CNTLN: variants seen among roughly 807,000 people sequenced by gnomAD.
CNTLN encodes the protein centlein, centrosomal protein.
Under a neutral mutation model 180.0 loss-of-function variants are expected in CNTLN, and 212 were observed. That is an observed-to-expected ratio of 1.18 (90% CI 1.05 to 1.32). CNTLN has a LOEUF of 1.32. Among genes scored for constraint, CNTLN ranks in the 40% most tolerant of loss-of-function variants. The pLI, the probability that CNTLN is intolerant of heterozygous loss-of-function variation, is 0.00. For synonymous variants in CNTLN, 722 were observed against 563.1 expected (o/e 1.28, Z -3.99); for missense variants, 2,095 against 1,610.9 (o/e 1.30, Z -5.14).
chr9:17,163,508 A>T (rs1356175642), intron 2 of CNTLN, among the ~76,000 whole-genome samples: 2 of 152,130 alleles, frequency 1.3e-5, no homozygotes, highest in South Asian at 4.1e-4. Flanking sequence ...AACAGCATTT[A>T]TATTTCATTG....
intron 18 of CNTLN, among the ~76,000 whole-genome samples, chr9:17,444,850 G>C (rs971693158): frequency 8.5e-5 from 13 of 152,146 alleles, no homozygotes; most frequent in African/African-American, 3.1e-4. Context: ...AAGTTCCTAT[G>C]TGGAATTTTG....
At chr9:17,170,163 TATTA>T (rs1435162240) in intron 2 of CNTLN, among the ~76,000 whole-genome samples, 1 of 152,320 alleles carries the variant, frequency 6.6e-6, no homozygotes, top group East Asian at 1.9e-4. Flanking sequence ...GGGATTGTTT[TATTA>T]ATTTCTTTTT....
intron 2 of CNTLN, among the ~76,000 whole-genome samples, chr9:17,144,890 G>A (rs892174556): frequency 2.0e-5 from 3 of 148,192 alleles, no homozygotes; most frequent in Non-Finnish European, 3.0e-5. Flanking sequence ...GCCAGACTGC[G>A]GACTGCAGTG....
chr9:17,253,761 G>GTTT lies in CNTLN; in HGVS notation c.849+17183_849+17185dup, dbSNP rs60517986. ...TTTCAAACTGGATGTCTTTTCTATTGTTTTTTTTTTTTCTTTTGCCTGATT... is the reference window on the plus strand; with the variant it reads ...TTTCAAACTGGATGTCTTTTCTATTGTTTTTTTTTTTTTTTCTTTTGCCTGATT... On this transcript the variant is annotated intron_variant, in intron 5 of 25. Coordinates refer to ENST00000380647, the MANE Select transcript of CNTLN (RefSeq NM_017738.4). Among the ~76,000 whole-genome samples the GTTT allele has an allele frequency of 1.1e-3, 155 of 142,698 alleles. 1 individual carries two copies. Among genetic ancestry groups the GTTT allele is most frequent in the Middle Eastern group, 3.5e-3 (1 of 282 alleles). 93.6% of individuals were successfully genotyped at this position (142,698 alleles called of 152,430 possible).
intron 5 of CNTLN, among the ~76,000 whole-genome samples, chr9:17,258,110 G>C (rs934231407): frequency 1.7e-4 from 26 of 148,862 alleles, no homozygotes; most frequent in Admixed American, 1.3e-3. Flanking sequence ...TATGGTTTTA[G>C]GTCTAACGTT....
chr9:17,454,307 T>TACAC (rs1385515957), intron 18 of CNTLN, among the ~76,000 whole-genome samples: 3 of 152,226 alleles, frequency 2.0e-5, no homozygotes, highest in African/African-American at 7.2e-5. Flanking sequence ...AATAATTGAC[T>TACAC]ACACATAAAT....
In CNTLN at chr9:17,351,512, A is replaced by G. The variant is rs539535236; in HGVS notation, c.1886+9068A>G. On this transcript the variant is annotated intron_variant, in intron 12 of 25. Transcript: ENST00000380647. ...ATCTTAGTAAATGGTATTATAATCTATCAGTTTCCTCAAACCAGAAACCAT... is the reference window on the plus strand; with the variant it reads ...ATCTTAGTAAATGGTATTATAATCTGTCAGTTTCCTCAAACCAGAAACCAT... Among the ~76,000 whole-genome samples the G allele has an allele frequency of 5.9e-5, 9 of 152,278 alleles. No homozygotes were observed. The East Asian group carries it at 7.7e-4, about 13-fold the overall frequency.
intron 2 of CNTLN, among the ~76,000 whole-genome samples, chr9:17,221,068 G>A (rs994470614): frequency 6.6e-6 from 1 of 152,042 alleles, no homozygotes; most frequent in Non-Finnish European, 1.5e-5. Context: ...CATGATCTGG[G>A]TCTTTGTCCC....
At chr9:17,170,555 C>G (rs2815174) in intron 2 of CNTLN, among the ~76,000 whole-genome samples, 50,443 of 151,712 alleles carry the variant, frequency 0.33, 10,585 homozygotes, top group East Asian at 0.61. Context: ...ATCTGTTTTT[C>G]AGTTCACAGA....
chr9:17,330,723 C>T lies in CNTLN; in HGVS notation c.1433C>T (p.Ala478Val). ...TATTTACAGGAGAAACTAAAGATAG[C>T]AAATGAAAAACTGTCAGAAAACATA... is the stretch of plus-strand genomic sequence containing the variant. Reference protein sequence around the residue: ...IEYLQEKLKIANEKLSENISA... With the variant: ...IEYLQEKLKIVNEKLSENISA... Residue 478 changes from alanine (A) to valine (V), a missense_variant, in exon 9 of 26, where the codon GCA (alanine) becomes GTA (valine). Ala to Val is a moderately conservative substitution (Grantham distance 64). Coordinates refer to ENST00000380647, the MANE Select transcript of CNTLN (RefSeq NM_017738.4). 1 of 1,611,774 alleles carries T rather than the reference C, an allele frequency of 6.2e-7. No individual in the cohort carries two copies. The highest frequency in any genetic ancestry group is 8.5e-7 in the Non-Finnish European group (1 of 1,178,570).
chr9:17,382,871 G>A (rs1223746983), intron 13 of CNTLN, among the ~76,000 whole-genome samples: 1 of 152,064 alleles, frequency 6.6e-6, no homozygotes, highest in Admixed American at 6.6e-5. Flanking sequence ...TACCTCATTA[G>A]CCTTATCTTT....
intron 7 of CNTLN, chr9:17,302,107 C>G (rs1818405665): frequency 2.5e-6 from 2 of 805,336 alleles, no homozygotes; most frequent in Non-Finnish European, 2.9e-6. Flanking sequence ...CACACACACA[C>G]ACACACACAC....
chr9:17,190,648 A>G (rs1256667664), intron 2 of CNTLN, among the ~76,000 whole-genome samples: 1 of 152,154 alleles, frequency 6.6e-6, no homozygotes, highest in Non-Finnish European at 1.5e-5. Flanking sequence ...AATTTATGCA[A>G]AAACATCTCT....
chr9:17,218,106 C>T (rs572243134), intron 2 of CNTLN, among the ~76,000 whole-genome samples: 3 of 152,164 alleles, frequency 2.0e-5, no homozygotes, highest in Non-Finnish European at 4.4e-5. Context: ...CATCATTTGT[C>T]GTTTGCCAAC....
rs763146549 is a variant in CNTLN, at chr9:17,235,753, C to G, written c.630C>G (p.Asp210Glu). Residue 210 changes from aspartate to glutamate, a missense_variant, in exon 4 of 26, where the codon GAC becomes GAG. Physicochemically the swap from Asp to Glu is conservative, Grantham distance 45. Transcript: ENST00000380647. Reference sequence around the variant, plus strand: ...CTTTCTTAAGGAAAGAATTCAGTGACTTGGAGAAGAAATTTAAAGATAAAA... The same window carrying G: ...CTTTCTTAAGGAAAGAATTCAGTGAGTTGGAGAAGAAATTTAAAGATAAAA... The part of the protein sequence containing the change: ...ENAFLRKEFS[D>E]LEKKFKDKSQ... 6.2e-7 allele frequency: 1 copy of G among 1,602,794 alleles called. No individual in the cohort carries two copies. Among genetic ancestry groups the G allele is most frequent in the Non-Finnish European group, 8.5e-7 (1 of 1,175,906 alleles).
chr9:17,310,537 G>A (rs1819058437), intron 8 of CNTLN, among the ~76,000 whole-genome samples: 1 of 151,976 alleles, frequency 6.6e-6, no homozygotes, highest in South Asian at 2.1e-4. Flanking sequence ...TGACATTTTC[G>A]CACATGTTTC....
At chr9:17,400,228 C>T (rs1459653098) in intron 15 of CNTLN, among the ~76,000 whole-genome samples, 1 of 152,126 alleles carries the variant, frequency 6.6e-6, no homozygotes, top group East Asian at 1.9e-4. Flanking sequence ...ATCTCCATCT[C>T]CCAGGTTCAA....
At chr9:17,342,961 G>C (rs951690059) in intron 12 of CNTLN, among the ~76,000 whole-genome samples, 2 of 152,182 alleles carry the variant, frequency 1.3e-5, no homozygotes, top group African/African-American at 4.8e-5. Context: ...TGCCTGTTAA[G>C]GGTCTGGTGT....
rs992545898 is a variant in CNTLN, at chr9:17,466,828, A to G, written c.3792A>G (p.Glu1264=). 3.1e-6 allele frequency: 5 copies of G among 1,610,900 alleles called. No homozygotes were observed. The highest frequency in any genetic ancestry group is 1.3e-5 in the African/African-American group (1 of 74,664). Residue 1264 remains glutamate (E), a synonymous_variant, in exon 23 of 26, where the codon GAA becomes GAG. Coordinates refer to ENST00000380647, the MANE Select transcript of CNTLN (RefSeq NM_017738.4). ...ELALQSEQVL[E]GAQKTLLLAN... The stretch of plus-strand genomic sequence containing the variant: ...CATTGCAAAGTGAACAGGTCCTAGA[A>G]GGTGCACAGAAGACATTGCTGTTAG...
Sources: allele counts gnomAD v4.1 joint callset (sites outside exome capture counted in the v4.1 genomes callset), GRCh38; gene constraint gnomAD v4.1.1; transcripts MANE v1.5; gene names NCBI Gene and HGNC (gene_info 2026-07-23, HGNC 2026-07-21).